The following MAF variants were observed in gnomAD, a reference collection of about 807,000 sequenced individuals.
The protein encoded by MAF is transcription factor Maf.
Under a neutral mutation model 22.0 loss-of-function variants are expected in MAF, and 10 were observed. The observed-to-expected ratio is 0.45, with a 90% CI of 0.28 to 0.77. The LOEUF (loss-of-function observed/expected upper bound fraction) is 0.77. Ranked by LOEUF, MAF falls within the 30% of genes least tolerant of loss-of-function variation. MAF has a pLI of 0.12. For synonymous variants in MAF, 337 were observed against 255.8 expected (o/e 1.32, Z -3.03); for missense variants, 544 against 548.4 (o/e 0.99, Z 0.08).
At position 79,599,422 on chromosome 16, in the gene MAF, C is replaced by T. The variant is rs2143810847; in HGVS notation, c.481G>A (p.Ala161Thr). The change falls in exon 1 of 2, where the codon GCC (alanine) becomes ACC (threonine). Residue 161 changes from alanine to threonine, a missense_variant. Around this residue, in one of 5 missense-constraint regions of MAF, gnomAD observed 342 missense variants for 315.5 expected, o/e 1.08. Coordinates refer to ENST00000326043, the MANE Select transcript of MAF (RefSeq NM_005360.5). ...GGSGEEMGPA[A>T]AVVSAVIAAA... ...GCGATCACGGCGGACACCACGGCGG[C>T]GGCGGGGCCCATCTCCTCGCCGCTG... 1 of 1,182,924 alleles carries T rather than the reference C, an allele frequency of 8.5e-7. No homozygotes were observed. The highest frequency in any genetic ancestry group is 1.0e-6 in the Non-Finnish European group (1 of 958,352). 73.3% of individuals were successfully genotyped at this position (1,182,924 alleles called of 1,614,324 possible).
the MAF span, among the ~76,000 whole-genome samples, chr16:79,278,607 C>G: frequency 6.6e-6 from 1 of 152,112 alleles, no homozygotes; most frequent in Admixed American, 6.5e-5. Flanking sequence ...TTTTCCGTGT[C>G]TGTGTCTGAA....
At chr16:79,409,913 T>C in the MAF span, among the ~76,000 whole-genome samples, 9 of 152,234 alleles carry the variant, frequency 5.9e-5, no homozygotes, top group African/African-American at 2.2e-4. Flanking sequence ...ACTACAGTTA[T>C]TGTCAATAAC....
the MAF span, among the ~76,000 whole-genome samples, chr16:79,493,205 C>T: frequency 0.011 from 1,612 of 150,296 alleles, 25 homozygotes; most frequent in South Asian, 0.064. Context: ...TTTTTTGAGA[C>T]GGAGTCTCAC....
At chr16:79,277,666 A>G in the MAF span, among the ~76,000 whole-genome samples, 1 of 152,220 alleles carries the variant, frequency 6.6e-6, no homozygotes. Flanking sequence ...TACAGACACT[A>G]GTCAAACTAT....
the MAF span, among the ~76,000 whole-genome samples, chr16:79,254,494 G>A: frequency 5.3e-5 from 8 of 152,102 alleles, no homozygotes; most frequent in Non-Finnish European, 1.2e-4. Context: ...GTGAATACAT[G>A]ATTTTTATTA....
the MAF span, among the ~76,000 whole-genome samples, chr16:79,462,278 T>C: frequency 6.6e-6 from 1 of 152,204 alleles, no homozygotes; most frequent in African/African-American, 2.4e-5. Flanking sequence ...GCACTTTTAT[T>C]ACTCCCATTT....
the MAF span, among the ~76,000 whole-genome samples, chr16:79,560,534 T>C: frequency 6.6e-6 from 1 of 152,122 alleles, no homozygotes; most frequent in Admixed American, 6.5e-5. Flanking sequence ...GTTTGCTGAC[T>C]ACTTCAAGCT....
At chr16:79,386,769 G>A in the MAF span, among the ~76,000 whole-genome samples, 1 of 152,138 alleles carries the variant, frequency 6.6e-6, no homozygotes, top group Non-Finnish European at 1.5e-5. Context: ...GCTAGATGGT[G>A]AGATCCAATG....
At chr16:79,396,384 T>A in the MAF span, among the ~76,000 whole-genome samples, 1 of 151,908 alleles carries the variant, frequency 6.6e-6, no homozygotes, top group Admixed American at 6.6e-5. Context: ...GCAAAAGGAG[T>A]TTTGCTCTCA....
the MAF span, among the ~76,000 whole-genome samples, chr16:79,335,811 C>G: frequency 6.6e-6 from 1 of 152,192 alleles, no homozygotes; most frequent in Non-Finnish European, 1.5e-5. Context: ...TCTTCTCTCT[C>G]TTAAGTTTTA....
chr16:79,537,984 T>C, the MAF span, among the ~76,000 whole-genome samples: 1 of 152,216 alleles, frequency 6.6e-6, no homozygotes, highest in Admixed American at 6.5e-5. Context: ...CTTTGTTCTA[T>C]AATTAATGAT....
At chr16:79,583,309 G>A (rs1912638965), downstream of MAF, among the ~76,000 whole-genome samples, 1 of 152,108 alleles carries the variant, frequency 6.6e-6, no homozygotes, top group African/African-American at 2.4e-5. Flanking sequence ...TCATGTCATC[G>A]GATTAGGTGT....
intron 1 of MAF, chr16:79,598,282 C>G: frequency 9.4e-7 from 1 of 1,061,504 alleles, no homozygotes; most frequent in East Asian, 5.1e-5. Context: ...AAAATCCAAA[C>G]AAAATAAAAC....
chr16:79,271,127 G>A, the MAF span, among the ~76,000 whole-genome samples: 11 of 150,122 alleles, frequency 7.3e-5, no homozygotes, highest in Non-Finnish European at 1.2e-4. Context: ...TGTTGGCCAG[G>A]CTGGTCTTGA....
the MAF span, among the ~76,000 whole-genome samples, chr16:79,527,516 G>C: frequency 1.3e-5 from 2 of 152,104 alleles, no homozygotes; most frequent in Non-Finnish European, 2.9e-5. Flanking sequence ...GCCAACATTT[G>C]GTGACATTAC....
the MAF span, among the ~76,000 whole-genome samples, chr16:79,485,114 T>C: frequency 2.6e-5 from 4 of 152,214 alleles, no homozygotes; most frequent in South Asian, 8.3e-4. Context: ...AGACGTGGTA[T>C]AGATACCAGA....
chr16:79,438,679 G>T, the MAF span, among the ~76,000 whole-genome samples: 1 of 152,302 alleles, frequency 6.6e-6, no homozygotes, highest in East Asian at 1.9e-4. Context: ...GCGAGGTCGT[G>T]CAGAGTCTGC....
At chr16:79,315,213 T>C in the MAF span, among the ~76,000 whole-genome samples, 3 of 152,156 alleles carry the variant, frequency 2.0e-5, no homozygotes, top group Non-Finnish European at 4.4e-5. Flanking sequence ...GTTTACATTC[T>C]AGTGGGAAGA....
At chr16:79,232,760 A>T in the MAF span, among the ~76,000 whole-genome samples, 11,119 of 151,832 alleles carry the variant, frequency 0.073, 594 homozygotes, top group Middle Eastern at 0.15. Context: ...TGATAGGATT[A>T]GATAATGCAG....
Sources: gnomAD v4.1 joint callset for allele counts (sites outside exome capture counted in the v4.1 genomes callset) on GRCh38, gnomAD v4.1.1 for gene constraint, gnomAD v4.1.1 regional missense constraint, MANE v1.5 for transcripts, NCBI Gene and HGNC (gene_info 2026-07-23, HGNC 2026-07-21) for gene names.